The following CWC27 variants were observed in gnomAD, a reference collection of about 807,000 sequenced individuals.
The protein encoded by CWC27 is spliceosome-associated protein CWC27 homolog.
CWC27 carries 47 observed loss-of-function variants against 63.6 expected under a neutral mutation model. That is an observed-to-expected ratio of 0.74 (90% CI 0.58 to 0.94). The LOEUF is 0.94. Among genes scored for constraint, CWC27 ranks in the 40% least tolerant of loss-of-function variants. CWC27 has a pLI of 0.00. For missense variants in CWC27, 495 were observed against 554.3 expected, an observed-to-expected ratio of 0.89 and a Z score of 1.07; for synonymous variants, 175 against 179.8, an observed-to-expected ratio of 0.97 and a Z score of 0.22.
intron 2 of CWC27, among the ~76,000 whole-genome samples, chr5:64,776,114 AG>A (rs1743441333): frequency 2.0e-5 from 2 of 102,450 alleles, no homozygotes; most frequent in South Asian, 3.8e-4. Context: ...AGAGAGAGAG[AG>A]AGAGAGAATG....
chr5:64,841,672 G>T (rs1235922378), intron 10 of CWC27, among the ~76,000 whole-genome samples: 1 of 151,828 alleles, frequency 6.6e-6, no homozygotes, highest in South Asian at 2.1e-4. Context: ...TCTTTGTTTT[G>T]TGTTTTTGTT....
chr5:64,874,396 G>A lies in CWC27; in HGVS notation c.939-11047G>A, dbSNP rs938761629. Reference sequence around the variant, plus strand: ...AGGCTGGTCTCGAACTCCTGACCTCGTTCGTGATCCTCCTGCCTCAGCCTC... The same window carrying A: ...AGGCTGGTCTCGAACTCCTGACCTCATTCGTGATCCTCCTGCCTCAGCCTC... On this transcript the variant is annotated intron_variant, in intron 10 of 13. Coordinates refer to ENST00000381070, the MANE Select transcript of CWC27 (RefSeq NM_005869.4). Among the ~76,000 whole-genome samples the A allele has an allele frequency of 7.9e-5, 12 of 151,224 alleles. No homozygotes were observed. In the South Asian group the frequency reaches 1.0e-3, roughly 13 times the overall value.
At chr5:64,868,731 A>C (rs942846921) in intron 10 of CWC27, among the ~76,000 whole-genome samples, 2 of 152,100 alleles carry the variant, frequency 1.3e-5, no homozygotes, top group African/African-American at 4.8e-5. Flanking sequence ...AAGTTCATAT[A>C]GCCAATAAAA....
chr5:64,999,040 G>C (rs1475820250), intron 13 of CWC27, among the ~76,000 whole-genome samples: 2 of 150,958 alleles, frequency 1.3e-5, no homozygotes, highest in Non-Finnish European at 3.0e-5. Context: ...AACATGAAGA[G>C]TTCCAGTGGC....
At chr5:64,807,115 G>T (rs1744704584) in intron 10 of CWC27, among the ~76,000 whole-genome samples, 1 of 152,122 alleles carries the variant, frequency 6.6e-6, no homozygotes, top group Non-Finnish European at 1.5e-5. Context: ...TTTCATCAGG[G>T]TGTGCTTGAA....
In CWC27 at chr5:64,812,835, A is replaced by G. The variant is rs928860443; in HGVS notation, c.938+8449A>G. Among the ~76,000 whole-genome samples, 5 of 152,268 alleles carry G rather than the reference A, an allele frequency of 3.3e-5. No homozygotes were observed. The East Asian group carries it at 5.8e-4, about 18-fold the overall frequency. ...TAGTGTAAGAATAAGAATTGTCAAC[A>G]ATTAATTACAATTCAGTATGACAAG... On this transcript the variant is annotated intron_variant, in intron 10 of 13. Coordinates refer to ENST00000381070, the MANE Select transcript of CWC27 (RefSeq NM_005869.4).
intron 11 of CWC27, among the ~76,000 whole-genome samples, chr5:64,906,942 G>A (rs1474278087): frequency 6.6e-6 from 1 of 152,140 alleles, no homozygotes; most frequent in Non-Finnish European, 1.5e-5. Context: ...CCCATTTTGT[G>A]TTTTTGTCAG....
chr5:64,882,420 T>TA (rs935053935), intron 10 of CWC27, among the ~76,000 whole-genome samples: 2 of 152,182 alleles, frequency 1.3e-5, no homozygotes, highest in African/African-American at 4.8e-5. Flanking sequence ...GAAATGAGGC[T>TA]AGTCTCAATT....
At chr5:64,817,758 A>G (rs1417456858) in intron 10 of CWC27, among the ~76,000 whole-genome samples, 2 of 152,138 alleles carry the variant, frequency 1.3e-5, no homozygotes, top group Non-Finnish European at 2.9e-5. Flanking sequence ...TTATTTAGAT[A>G]TAGCTATACC....
rs766927005 is a variant in CWC27, at chr5:64,960,538, T to TA, written c.1043-11156dup. On this transcript the variant is annotated intron_variant, in intron 11 of 13. Transcript: ENST00000381070. ...TGAATTAATTTAAGATCTGGTATAT[T>TA]AAAAAAAAATACAAATTGACTTTGT... Among the ~76,000 whole-genome samples the TA allele has an allele frequency of 3.9e-3, 596 of 151,122 alleles. 4 individuals are homozygous for TA. The highest frequency in any genetic ancestry group is 8.6e-3 in the African/African-American group (354 of 41,294).
intron 13 of CWC27, among the ~76,000 whole-genome samples, chr5:65,001,567 C>G (rs1196101225): frequency 6.6e-6 from 1 of 151,882 alleles, no homozygotes. Context: ...TTGCATCGAT[C>G]AAGACAATCA....
intron 13 of CWC27, among the ~76,000 whole-genome samples, chr5:64,989,046 C>T (rs1033751469): frequency 2.0e-5 from 3 of 152,158 alleles, no homozygotes; most frequent in African/African-American, 7.2e-5. Flanking sequence ...CCTTTTCTTC[C>T]TCCAGCCAGA....
At chr5:64,913,221 G>C (rs1307495992) in intron 11 of CWC27, among the ~76,000 whole-genome samples, 1 of 152,042 alleles carries the variant, frequency 6.6e-6, no homozygotes, top group Non-Finnish European at 1.5e-5. Context: ...TTAATAAAAT[G>C]TTCTAGCACA....
intron 11 of CWC27, among the ~76,000 whole-genome samples, chr5:64,938,205 G>T (rs538348374): frequency 3.9e-5 from 6 of 152,040 alleles, no homozygotes; most frequent in Non-Finnish European, 8.8e-5. Context: ...AGTGTCGATG[G>T]TCTTTATAAT....
intron 11 of CWC27, among the ~76,000 whole-genome samples, chr5:64,895,172 G>C (rs1459583110): frequency 6.6e-6 from 1 of 152,078 alleles, no homozygotes; most frequent in African/African-American, 2.4e-5. Flanking sequence ...AGAAAAATAT[G>C]AGCAATATGT....
intron 10 of CWC27, among the ~76,000 whole-genome samples, chr5:64,847,332 G>A (rs538123161): frequency 3.7e-4 from 57 of 152,194 alleles, no homozygotes; most frequent in African/African-American, 1.3e-3. Flanking sequence ...TTACCAAAAG[G>A]ATACAACAAT....
intron 11 of CWC27, among the ~76,000 whole-genome samples, chr5:64,948,541 G>A (rs780046187): frequency 5.3e-5 from 8 of 151,718 alleles, no homozygotes; most frequent in Non-Finnish European, 1.0e-4. Context: ...CTAATATATT[G>A]CACCATGCTA....
chr5:64,868,414 C>T (rs760672420), intron 10 of CWC27, among the ~76,000 whole-genome samples: 1 of 151,996 alleles, frequency 6.6e-6, no homozygotes, highest in African/African-American at 2.4e-5. Flanking sequence ...GTAACTAATT[C>T]TGTTTATCTC....
intron 11 of CWC27, among the ~76,000 whole-genome samples, chr5:64,934,691 A>G (rs577108960): frequency 6.6e-6 from 1 of 152,168 alleles, no homozygotes; most frequent in South Asian, 2.1e-4. Context: ...GTCTTCCACA[A>G]TGGTTGAACT....
Sources: gnomAD v4.1 joint callset for allele counts (sites outside exome capture counted in the v4.1 genomes callset) on GRCh38, gnomAD v4.1.1 for gene constraint, MANE v1.5 for transcripts, NCBI Gene and HGNC (gene_info 2026-07-23, HGNC 2026-07-21) for gene names.